RAP2A: variants seen among roughly 807,000 people sequenced by gnomAD.
RAP2A encodes the protein RAP2A, member of RAS oncogene family, also known as ras-related protein Rap-2a.
RAP2A carries 5 observed loss-of-function variants against 15.1 expected under a neutral mutation model. That is an observed-to-expected ratio of 0.33 (90% confidence interval 0.17 to 0.70). RAP2A has a LOEUF of 0.70. Ranked by LOEUF, RAP2A falls within the 30% of genes least tolerant of loss-of-function variation. The probability of loss-of-function intolerance (pLI) is 0.68; values close to 1 mark genes in which losing one functional copy is unlikely to be tolerated. For missense variants in RAP2A, 111 were observed against 240.3 expected, an observed-to-expected ratio of 0.46 and a Z score of 3.56; for synonymous variants, 110 against 99.7, an observed-to-expected ratio of 1.10 and a Z score of -0.62.
chr13:97,434,821 C>T (rs761759196), intron 1 of RAP2A, 37 bp downstream of exon 1: 2 of 1,604,650 alleles, frequency 1.2e-6, no homozygotes, highest in Admixed American at 1.7e-5. Context: ...CGGCTGCACC[C>T]CGGAGTCACC....
At chr13:97,461,715 G>A (rs147906966) in intron 1 of RAP2A, among the ~76,000 whole-genome samples, 9,505 of 152,062 alleles carry the variant, frequency 0.063, 425 homozygotes, top group Middle Eastern at 0.099. Flanking sequence ...TGTAATCCCA[G>A]CACTTTGGGA....
chr13:97,457,128 A>G (rs1410037320), intron 1 of RAP2A, among the ~76,000 whole-genome samples: 1 of 152,132 alleles, frequency 6.6e-6, no homozygotes, highest in Non-Finnish European at 1.5e-5. Context: ...AAATTTCTAG[A>G]TGTTCACTGA....
rs1209667994 is a variant in RAP2A at position 97,464,511 on chromosome 13, A to G, written c.*69A>G. ...AGGTGATAGAAAACTCGCCTACTCC[A>G]CTGCAGAACTTGCAGAATGCGTGGT... On this transcript the variant is annotated 3_prime_UTR_variant, in exon 2 of 2. Coordinates refer to ENST00000245304, the MANE Select transcript of RAP2A (RefSeq NM_021033.7). 3.6e-6 allele frequency: 5 copies of G among 1,399,274 alleles called. No individual in the cohort carries two copies. In the East Asian group the frequency reaches 6.9e-5, roughly 19 times the overall value. 86.7% of individuals were successfully genotyped at this position (1,399,274 alleles called of 1,614,324 possible).
chr13:97,454,973 G>T (rs1163889006), intron 1 of RAP2A, among the ~76,000 whole-genome samples: 1 of 151,178 alleles, frequency 6.6e-6, no homozygotes, highest in Non-Finnish European at 1.5e-5. Context: ...TTTCTGATGA[G>T]AAATTTTCAG....
At chr13:97,439,012 C>G (rs1450035024) in intron 1 of RAP2A, among the ~76,000 whole-genome samples, 1 of 152,108 alleles carries the variant, frequency 6.6e-6, no homozygotes, top group African/African-American at 2.4e-5. Context: ...GAGAACACTT[C>G]CAGTTGGGGC....
chr13:97,458,456 G>A (rs191314026), intron 1 of RAP2A, among the ~76,000 whole-genome samples: 24 of 152,254 alleles, frequency 1.6e-4, no homozygotes, highest in Admixed American at 1.2e-3. Flanking sequence ...TGGACTTGCC[G>A]CATATGGAAC....
At chr13:97,445,593 T>C (rs990677174) in intron 1 of RAP2A, among the ~76,000 whole-genome samples, 1 of 152,358 alleles carries the variant, frequency 6.6e-6, no homozygotes, top group African/African-American at 2.4e-5. Context: ...ATGTCTGTTC[T>C]TGCTGGATGG....
At chr13:97,438,807 T>C (rs2066644775) in intron 1 of RAP2A, among the ~76,000 whole-genome samples, 2 of 152,164 alleles carry the variant, frequency 1.3e-5, no homozygotes, top group Admixed American at 1.3e-4. Flanking sequence ...CAAGCCCACG[T>C]AGGTGACACA....
intron 1 of RAP2A, among the ~76,000 whole-genome samples, chr13:97,454,695 A>G (rs1466612473): frequency 6.6e-6 from 1 of 151,392 alleles, no homozygotes; most frequent in Non-Finnish European, 1.5e-5. Context: ...TTATATTTAC[A>G]TAGTATTTAC....
At chr13:97,458,525 A>T (rs1471595206) in intron 1 of RAP2A, among the ~76,000 whole-genome samples, 1 of 152,220 alleles carries the variant, frequency 6.6e-6, no homozygotes, top group African/African-American at 2.4e-5. Flanking sequence ...TAGGCCAGTG[A>T]TTCCTAAACC....
Position 97,468,569 on chromosome 13 carries a change from C to T in RAP2A, c.*4127C>T, listed in dbSNP as rs878881648. 1 of 152,230 alleles carries T rather than the reference C, an allele frequency of 6.6e-6. No individual in the cohort carries two copies. The highest frequency in any genetic ancestry group is 6.5e-5 in the Admixed American group (1 of 15,286). The allele number at this position is 152,230 out of a possible 1,614,324, so 9.4% of individuals were successfully genotyped here. A position where few individuals can be genotyped will look rare whatever the true frequency, so the allele number is the denominator to read the frequency against. On this transcript the variant is annotated 3_prime_UTR_variant, in exon 2 of 2. Coordinates refer to ENST00000245304, the MANE Select transcript of RAP2A (RefSeq NM_021033.7). ...GCCTTTTGGTTATGTTGCCTTCAAA[C>T]TCTGTTGAAATCCTCTGGCAGCATT...
At chr13:97,449,603 T>G (rs1472056353) in intron 1 of RAP2A, among the ~76,000 whole-genome samples, 1 of 152,196 alleles carries the variant, frequency 6.6e-6, no homozygotes, top group Non-Finnish European at 1.5e-5. Context: ...CTTCTTTCAT[T>G]TCAGTGTTGG....
chr13:97,455,230 T>G (rs545317500), intron 1 of RAP2A, among the ~76,000 whole-genome samples: 1 of 151,670 alleles, frequency 6.6e-6, no homozygotes, highest in Middle Eastern at 3.4e-3. Flanking sequence ...TATTACAGTT[T>G]TCAGTTCTAA....
intron 1 of RAP2A, among the ~76,000 whole-genome samples, chr13:97,448,557 C>G (rs1441607701): frequency 2.6e-5 from 4 of 152,112 alleles, no homozygotes; most frequent in African/African-American, 7.2e-5. Flanking sequence ...AATAAGGAAC[C>G]TGAGGCTCAG....
At chr13:97,461,825 T>A (rs2066747095) in intron 1 of RAP2A, among the ~76,000 whole-genome samples, 1 of 150,962 alleles carries the variant, frequency 6.6e-6, no homozygotes, top group African/African-American at 2.4e-5. Context: ...TAGTCGGGCG[T>A]GGTGGTGGGC....
intron 1 of RAP2A, among the ~76,000 whole-genome samples, chr13:97,443,915 A>T (rs139441609): frequency 6.6e-6 from 1 of 152,344 alleles, no homozygotes; most frequent in East Asian, 1.9e-4. Flanking sequence ...AGTATGATGT[A>T]GTAACTCGTG....
rs992135172 is a variant in RAP2A at position 97,453,826 on chromosome 13, A to G, written c.315-10379A>G. Among the ~76,000 whole-genome samples, 9 of 151,044 alleles carry G rather than the reference A, an allele frequency of 6.0e-5. 2 individuals carry two copies. Among genetic ancestry groups the G allele is most frequent in the Admixed American group, 5.3e-4 (8 of 15,128 alleles). On this transcript the variant is annotated intron_variant, in intron 1 of 1. Transcript: ENST00000245304. Reference sequence around the variant, plus strand: ...TAATTTTACATTCCATCAGCAATGTATCTAGTTTGCGTCCTCGCCAGCATT... The same window carrying G: ...TAATTTTACATTCCATCAGCAATGTGTCTAGTTTGCGTCCTCGCCAGCATT...
At chr13:97,454,868 A>G (rs1269660965) in intron 1 of RAP2A, among the ~76,000 whole-genome samples, 1 of 151,324 alleles carries the variant, frequency 6.6e-6, no homozygotes, top group Non-Finnish European at 1.5e-5. Context: ...GTTCTGAAGG[A>G]TATTTTTGCT....
intron 1 of RAP2A, among the ~76,000 whole-genome samples, chr13:97,455,260 GTATTT>G (rs762827000): frequency 6.6e-6 from 1 of 151,310 alleles, no homozygotes; most frequent in Non-Finnish European, 1.5e-5. Context: ...GTGGTTTATT[GTATTT>G]TATGAGAGCA....
Sources: gnomAD v4.1 joint callset for allele counts (sites outside exome capture counted in the v4.1 genomes callset) on GRCh38, gnomAD v4.1.1 for gene constraint, MANE v1.5 for transcripts, NCBI Gene and HGNC (gene_info 2026-07-23, HGNC 2026-07-21) for gene names.